MAP3K9: variants seen among roughly 807,000 people sequenced by gnomAD.
MAP3K9 encodes the protein mitogen-activated protein kinase kinase kinase 9.
Under a neutral mutation model 95.8 loss-of-function variants are expected in MAP3K9, and 46 were observed. The observed-to-expected ratio is 0.48, with a 90% CI of 0.38 to 0.61. The LOEUF (loss-of-function observed/expected upper bound fraction) is 0.61, where lower values mean the gene tolerates loss of function less well. Ranked by LOEUF, MAP3K9 falls within the 20% of genes least tolerant of loss-of-function variation. The pLI is 0.00. For synonymous variants in MAP3K9, 533 were observed against 593.8 expected, an observed-to-expected ratio of 0.90 and a Z score of 1.49; for missense variants, 1,296 against 1,474.3, an observed-to-expected ratio of 0.88 and a Z score of 1.98.
intron 2 of MAP3K9, among the ~76,000 whole-genome samples, chr14:70,787,272 G>A (rs899293834): frequency 3.3e-5 from 5 of 152,036 alleles, no homozygotes; most frequent in African/African-American, 7.3e-5. Flanking sequence ...ACTTTGGGAG[G>A]CCAAGACGGG....
chr14:70,808,977 C>A lies in MAP3K9; in HGVS notation c.195G>T (p.Ala65=), dbSNP rs1328666057. 2 of 1,567,038 alleles carry A rather than the reference C, an allele frequency of 1.3e-6. No homozygotes were observed. ...PYWTAVFEYE[A]AGEDELTLRL... ...GCAGGGTCAGCTCGTCCTCGCCCGC[C>A]GCCTCGTACTCGAACACGGCCGTCC... Residue 65 remains alanine (A), a synonymous_variant, in exon 1 of 12, where the codon GCG becomes GCT. Coordinates refer to ENST00000554752, the MANE Select transcript of MAP3K9 (RefSeq NM_001284230.2).
intron 5 of MAP3K9, 93 bp downstream of exon 5, chr14:70,748,736 G>A (rs117603636): frequency 0.011 from 9,820 of 930,650 alleles, 63 homozygotes; most frequent in Non-Finnish European, 0.012. Context: ...AGTCAGACTC[G>A]GTCCAGAGGT....
Position 70,800,794 on chromosome 14 carries a change from C to A in MAP3K9, c.693G>T (p.Val231=), listed in dbSNP as rs760671420. ...EFARGGPLNR[V]LSGKRIPPDI... ...CTGGGGGAATCCTTTTCCCAGATAA[C>A]ACTCTATTCAAAGGTCCTCCACGAG... The change falls in exon 2 of 12, where the codon GTG becomes GTT. Residue 231 remains valine, a synonymous_variant. Coordinates refer to ENST00000554752, the MANE Select transcript of MAP3K9 (RefSeq NM_001284230.2). The A allele has an allele frequency of 8.7e-6, 14 of 1,614,162 alleles. No homozygotes were observed. The East Asian group carries it at 3.1e-4, about 36-fold the overall frequency.
intron 2 of MAP3K9, among the ~76,000 whole-genome samples, chr14:70,779,666 C>T (rs2054647901): frequency 6.6e-6 from 1 of 152,228 alleles, no homozygotes; most frequent in South Asian, 2.1e-4. Flanking sequence ...GAAGCTTCTG[C>T]AGCCACAAAC....
intron 2 of MAP3K9, among the ~76,000 whole-genome samples, chr14:70,786,433 T>C (rs1319377234): frequency 6.6e-6 from 1 of 152,174 alleles, no homozygotes; most frequent in Non-Finnish European, 1.5e-5. Context: ...ATTATTCTTT[T>C]CTTCCTAAAA....
At chr14:70,795,275 C>T (rs1566766447) in intron 2 of MAP3K9, among the ~76,000 whole-genome samples, 1 of 150,766 alleles carries the variant, frequency 6.6e-6, no homozygotes, top group Non-Finnish European at 1.5e-5. Flanking sequence ...GGATTACAGG[C>T]GTGAGCCACC....
rs776047235 is a variant in MAP3K9 at position 70,730,438 on chromosome 14, G to C, written c.3257C>G (p.Ala1086Gly). The change falls in exon 12 of 12, where the codon GCG becomes GGG. Residue 1086 changes from alanine (A) to glycine (G), a missense_variant. By Grantham distance (60) the Ala-to-Gly change is moderately conservative (BLOSUM62 0). Coordinates refer to ENST00000554752, the MANE Select transcript of MAP3K9 (RefSeq NM_001284230.2). ...GGCAGGCCTGTGTGTGTTCAGTTCC[G>C]CTCTGCACAGCGGCACGGTGCTGTC... ...SQDSTVPLCR[A>G]ELNTHRPAPY... 1.4e-5 allele frequency: 23 copies of C among 1,614,180 alleles called. No homozygotes were observed. Among genetic ancestry groups the C allele is most frequent in the Non-Finnish European group, 1.9e-5 (23 of 1,180,042 alleles).
chr14:70,791,681 G>A (rs566116284), intron 2 of MAP3K9, among the ~76,000 whole-genome samples: 44 of 152,312 alleles, frequency 2.9e-4, no homozygotes, highest in Admixed American at 3.9e-4. Flanking sequence ...CTCAGATCAC[G>A]TCGGAAACAA....
chr14:70,788,818 G>A (rs1182669263), intron 2 of MAP3K9, among the ~76,000 whole-genome samples: 1 of 152,138 alleles, frequency 6.6e-6, no homozygotes, highest in Non-Finnish European at 1.5e-5. Flanking sequence ...ATGAAAAAGG[G>A]CCAGACATGC....
Position 70,742,404 on chromosome 14 carries a change from A to G in MAP3K9, c.1514T>C (p.Phe505Ser). 1 of 1,614,120 alleles carries G rather than the reference A, an allele frequency of 6.2e-7. No individual in the cohort carries two copies. The highest frequency in any genetic ancestry group is 8.5e-7 in the Non-Finnish European group (1 of 1,180,026). The change falls in exon 6 of 12, where the codon TTC (phenylalanine) becomes TCC (serine). Residue 505 changes from phenylalanine (F) to serine (S), a missense_variant. Phe to Ser is a radical substitution (Grantham distance 155, BLOSUM62 -2). Around this residue, in one of 5 missense-constraint regions of MAP3K9, gnomAD observed 377 missense variants for 417.1 expected, o/e 0.90. Transcript: ENST00000554752. ...KPRVKKRKGK[F>S]RKSRLKLKDG... ...CTTGAGCTTCAGCCGGCTCTTCCTGAACTTGCCCTTGCGTTTCTTCACCCG... is the reference window on the plus strand; with the variant it reads ...CTTGAGCTTCAGCCGGCTCTTCCTGGACTTGCCCTTGCGTTTCTTCACCCG...
chr14:70,742,324 C>T (rs2054081715), intron 6 of MAP3K9, 27 bp downstream of exon 6: 14 of 1,607,716 alleles, frequency 8.7e-6, no homozygotes, highest in Non-Finnish European at 1.2e-5. Flanking sequence ...CCTGCTCCCA[C>T]TTCCCAGCCA....
chr14:70,736,315 T>G (rs2053986264), intron 8 of MAP3K9, among the ~76,000 whole-genome samples: 1 of 152,154 alleles, frequency 6.6e-6, no homozygotes, highest in Admixed American at 6.5e-5. Flanking sequence ...TTTGGACAAA[T>G]ATGTATTATT....
chr14:70,733,470 T>TCATC (rs2053942079), intron 10 of MAP3K9, 128 bp from the exon 11 acceptor site: 1 of 605,982 alleles, frequency 1.7e-6, no homozygotes, highest in Non-Finnish European at 3.0e-6. Flanking sequence ...TTCAATGGTG[T>TCATC]GATGAGCAGG....
chr14:70,730,996 G>A (rs1456816030), intron 11 of MAP3K9, 132 bp from the exon 12 acceptor site: 7 of 1,010,476 alleles, frequency 6.9e-6, no homozygotes, highest in Admixed American at 2.8e-5. Context: ...TGTTTGTGGA[G>A]CACCTACTGG....
intron 1 of MAP3K9, 125 bp from the exon 2 acceptor site, chr14:70,801,205 A>G (rs1411880891): frequency 3.5e-6 from 3 of 858,066 alleles, no homozygotes; most frequent in Non-Finnish European, 5.3e-6. Flanking sequence ...CTGTCTCCCC[A>G]TTATAAAGCA....
intron 2 of MAP3K9, among the ~76,000 whole-genome samples, chr14:70,785,508 TTGTAC>T (rs1454589008): frequency 2.6e-5 from 4 of 152,190 alleles, no homozygotes; most frequent in African/African-American, 4.8e-5. Context: ...AAAGATCTTG[TTGTAC>T]TGTATTCGCC....
intron 3 of MAP3K9, among the ~76,000 whole-genome samples, chr14:70,753,969 G>A (rs985144444): frequency 6.6e-6 from 1 of 152,194 alleles, no homozygotes; most frequent in African/African-American, 2.4e-5. Context: ...TGTCAGGTCA[G>A]GGTCCATGCT....
chr14:70,742,759 C>A (rs2054091028), intron 5 of MAP3K9, among the ~76,000 whole-genome samples, 168 bp from the exon 6 acceptor site: 1 of 151,888 alleles, frequency 6.6e-6, no homozygotes, highest in Non-Finnish European at 1.5e-5. Context: ...CATTAGACCA[C>A]CTTGAATGGT....
At chr14:70,766,404 T>C (rs2054456108) in intron 2 of MAP3K9, among the ~76,000 whole-genome samples, 1 of 152,124 alleles carries the variant, frequency 6.6e-6, no homozygotes, top group African/African-American at 2.4e-5. Context: ...TATAATTAGG[T>C]ATCCTGTACA....
Sources: gnomAD v4.1 joint callset for allele counts (sites outside exome capture counted in the v4.1 genomes callset) on GRCh38, gnomAD v4.1.1 for gene constraint, gnomAD v4.1.1 regional missense constraint, MANE v1.5 for transcripts, NCBI Gene and HGNC (gene_info 2026-07-23, HGNC 2026-07-21) for gene names.